PTPRD: variants seen among roughly 807,000 people sequenced by gnomAD.
PTPRD encodes the protein protein tyrosine phosphatase receptor type D.
PTPRD carries 34 observed loss-of-function variants against 214.5 expected under a neutral mutation model. That is an observed-to-expected ratio of 0.16 (90% CI 0.12 to 0.21). The LOEUF is 0.21. Among genes scored for constraint, PTPRD ranks in the 10% least tolerant of loss-of-function variants. PTPRD has a pLI of 1.00. For missense variants in PTPRD, 2,545 were observed against 2,398.7 expected, an observed-to-expected ratio of 1.06 and a Z score of -1.27; for synonymous variants, 1,128 against 845.7, an observed-to-expected ratio of 1.33 and a Z score of -5.79.
chr9:9,547,253 A>G (rs180726058), intron 8 of PTPRD, among the ~76,000 whole-genome samples: 46 of 152,202 alleles, frequency 3.0e-4, no homozygotes, highest in East Asian at 3.9e-4. Context: ...ATCATTCCTT[A>G]CAAACCTTTG....
At chr9:10,114,603 C>T (rs1055583700) in intron 3 of PTPRD, among the ~76,000 whole-genome samples, 3 of 151,802 alleles carry the variant, frequency 2.0e-5, no homozygotes, top group African/African-American at 7.3e-5. Flanking sequence ...TGCATGCATA[C>T]ATATATTTGT....
Position 8,316,223 on chromosome 9 carries a change from GT to G in PTPRD, c.*1650del, listed in dbSNP as rs1239308325. 4.4e-6 allele frequency: 1 copy of G among 229,744 alleles called. No individual in the cohort carries two copies. Among genetic ancestry groups the G allele is most frequent in the Admixed American group, 5.7e-5 (1 of 17,618 alleles). 14.2% of individuals were successfully genotyped at this position (229,744 alleles called of 1,614,324 possible). Reference sequence around the variant, plus strand: ...ACTAGGAATGCATATTATTCAAAGAGTTTTTGTACATGTGGTAAACAGATAA... The same window carrying G: ...ACTAGGAATGCATATTATTCAAAGAGTTTTGTACATGTGGTAAACAGATAA... On this transcript the variant is annotated 3_prime_UTR_variant, in exon 46 of 46. Transcript: ENST00000381196.
At chr9:9,729,602 A>T (rs549905658) in intron 7 of PTPRD, among the ~76,000 whole-genome samples, 1 of 152,300 alleles carries the variant, frequency 6.6e-6, no homozygotes, top group South Asian at 2.1e-4. Context: ...TAAAAGGCTT[A>T]AAGCAAATGC....
intron 8 of PTPRD, among the ~76,000 whole-genome samples, chr9:9,511,608 ACAT>A (rs375451004): frequency 2.0e-5 from 3 of 151,946 alleles, no homozygotes; most frequent in Non-Finnish European, 2.9e-5. Context: ...AGCAACATCA[ACAT>A]CATATCTCTT....
intron 3 of PTPRD, among the ~76,000 whole-genome samples, chr9:10,171,107 C>T (rs144485386): frequency 0.013 from 1,991 of 152,228 alleles, 20 homozygotes; most frequent in Middle Eastern, 0.027. Context: ...ATTTATAAAG[C>T]CCCATTTACT....
chr9:9,355,387 G>GA (rs35778421), intron 9 of PTPRD, among the ~76,000 whole-genome samples: 128,055 of 151,400 alleles, frequency 0.85, 54,520 homozygotes, highest in East Asian at 1. Context: ...GAGCGGAGGT[G>GA]AAAGAATGGG....
intron 2 of PTPRD, among the ~76,000 whole-genome samples, chr9:10,584,350 G>T (rs2073182559): frequency 6.6e-6 from 1 of 152,136 alleles, no homozygotes; most frequent in Non-Finnish European, 1.5e-5. Flanking sequence ...CAACACAGAA[G>T]ATAAACAGAA....
At chr9:10,332,320 C>A (rs2096766061) in intron 3 of PTPRD, among the ~76,000 whole-genome samples, 1 of 151,914 alleles carries the variant, frequency 6.6e-6, no homozygotes, top group South Asian at 2.1e-4. Context: ...AGAATTTCAA[C>A]AGGGTTTCGA....
intron 7 of PTPRD, among the ~76,000 whole-genome samples, chr9:9,734,225 C>T (rs1199132625): frequency 6.6e-6 from 1 of 152,078 alleles, no homozygotes; most frequent in Non-Finnish European, 1.5e-5. Context: ...CCGCATAATC[C>T]TCTGTCCTAT....
intron 9 of PTPRD, among the ~76,000 whole-genome samples, chr9:9,254,473 A>C (rs1485267148): frequency 6.6e-6 from 1 of 152,090 alleles, no homozygotes; most frequent in Non-Finnish European, 1.5e-5. Context: ...AGTTTTATTT[A>C]CAATTAATGG....
intron 9 of PTPRD, among the ~76,000 whole-genome samples, chr9:9,264,535 G>C (rs1015574160): frequency 1.3e-5 from 2 of 151,386 alleles, no homozygotes; most frequent in African/African-American, 2.4e-5. Flanking sequence ...TGGGATTTAT[G>C]GGACACTATC....
chr9:10,272,473 G>C (rs1337044619), intron 3 of PTPRD, among the ~76,000 whole-genome samples: 1 of 152,132 alleles, frequency 6.6e-6, no homozygotes, highest in Non-Finnish European at 1.5e-5. Flanking sequence ...ACCAGGCATG[G>C]ATTGCTTTGT....
chr9:8,983,114 C>G (rs2099321944), intron 11 of PTPRD, among the ~76,000 whole-genome samples: 1 of 151,712 alleles, frequency 6.6e-6, no homozygotes, highest in African/African-American at 2.4e-5. Context: ...AGTCTGTTTT[C>G]ATCATGAGTT....
chr9:10,200,264 G>C (rs1173648230), intron 3 of PTPRD, among the ~76,000 whole-genome samples: 3 of 151,996 alleles, frequency 2.0e-5, no homozygotes, highest in Non-Finnish European at 2.9e-5. Flanking sequence ...GTTTCCCATA[G>C]ACTGATAAGC....
intron 3 of PTPRD, among the ~76,000 whole-genome samples, chr9:10,084,112 T>C (rs17680469): frequency 0.026 from 4,025 of 152,108 alleles, 84 homozygotes; most frequent in Middle Eastern, 0.082. Context: ...TCCTAGGTTA[T>C]AAGTACTAAG....
rs1032730511 is a variant in PTPRD, at chr9:8,792,836, C to G, written c.-103-58890G>C. Among the ~76,000 whole-genome samples, 5 of 152,020 alleles carry G rather than the reference C, an allele frequency of 3.3e-5. No homozygotes were observed. The East Asian group carries it at 9.6e-4, about 29-fold the overall frequency. ...CTCCATTTCTCTCCATTCTTCTCTC[C>G]CTCTTTTTTCTTTCCTTTTATTACT... On this transcript the variant is annotated intron_variant, in intron 11 of 45. Transcript: ENST00000381196.
intron 7 of PTPRD, among the ~76,000 whole-genome samples, chr9:9,603,131 C>A (rs996157864): frequency 1.3e-5 from 2 of 151,942 alleles, no homozygotes; most frequent in African/African-American, 4.8e-5. Context: ...TAAGAATGGG[C>A]AATGCATAAG....
chr9:9,381,237 T>C (rs182756744), intron 9 of PTPRD, among the ~76,000 whole-genome samples: 58 of 152,256 alleles, frequency 3.8e-4, no homozygotes, highest in African/African-American at 1.2e-3. Context: ...ACTATTTTTT[T>C]CTATTTCTTG....
chr9:8,633,803 A>C (rs1051579417), intron 13 of PTPRD, among the ~76,000 whole-genome samples: 1 of 152,070 alleles, frequency 6.6e-6, no homozygotes, highest in South Asian at 2.1e-4. Context: ...TAAACTTCTT[A>C]AATTATTCTT....
Sources: gnomAD v4.1 joint callset for allele counts (sites outside exome capture counted in the v4.1 genomes callset) on GRCh38, gnomAD v4.1.1 for gene constraint, MANE v1.5 for transcripts, NCBI Gene and HGNC (gene_info 2026-07-23, HGNC 2026-07-21) for gene names.